Variants in NKAIN3 observed in about 807,000 individuals in gnomAD.
The protein encoded by NKAIN3 is sodium/potassium-transporting ATPase subunit beta-1-interacting protein 3.
In NKAIN3, 25 loss-of-function variants were observed where a neutral mutation model predicts 30.2. That is an observed-to-expected ratio of 0.83 (90% CI 0.60 to 1.16). The LOEUF (loss-of-function observed/expected upper bound fraction) is 1.16, where lower values mean the gene tolerates loss of function less well. NKAIN3 is among the 50% of genes most tolerant of loss of function. The pLI is 0.00. For missense variants in NKAIN3, 225 were observed against 254.1 expected, an observed-to-expected ratio of 0.89 and a Z score of 0.78; for synonymous variants, 91 against 89.6, an observed-to-expected ratio of 1.02 and a Z score of -0.09.
In NKAIN3 at chr8:62,248,975, TGGGCC is replaced by T. The variant is rs923161101; in HGVS notation, c.-89_-85del. On this transcript the variant is annotated 5_prime_UTR_variant, in exon 1 of 7. Transcript: ENST00000623646. ...GCGGCGGCCGCGGGGCCGAGGAGCC[TGGGCC>T]GGGCCGGGCGGGGACTACTCCGGAG... 4 of 1,167,660 alleles carry T rather than the reference TGGGCC, an allele frequency of 3.4e-6. No homozygotes were observed. In the African/African-American group the frequency reaches 4.8e-5, roughly 14 times the overall value. 72.3% of individuals were successfully genotyped at this position (1,167,660 alleles called of 1,614,324 possible).
intron 4 of NKAIN3, among the ~76,000 whole-genome samples, chr8:62,762,183 G>A (rs1039800795): frequency 1.3e-5 from 2 of 152,096 alleles, no homozygotes; most frequent in Non-Finnish European, 2.9e-5. Flanking sequence ...AGGCATGGTG[G>A]TGGGCACCTG....
At chr8:62,772,345 T>A (rs866033863) in intron 4 of NKAIN3, among the ~76,000 whole-genome samples, 7 of 152,228 alleles carry the variant, frequency 4.6e-5, no homozygotes, top group Admixed American at 6.5e-5. Flanking sequence ...TCTTGGCTGT[T>A]GTGATTAGAG....
At chr8:62,870,210 A>ATG (rs1820557899) in intron 4 of NKAIN3, among the ~76,000 whole-genome samples, 1 of 128,734 alleles carries the variant, frequency 7.8e-6, no homozygotes, top group Non-Finnish European at 1.8e-5. Flanking sequence ...TCTATTTTGT[A>ATG]TATATATATC....
At chr8:62,990,221 A>G (rs1824293543) in intron 5 of NKAIN3, 1 of 1,556,832 alleles carries the variant, frequency 6.4e-7, no homozygotes, top group African/African-American at 1.3e-5. Flanking sequence ...GCTGCAAATT[A>G]TTGAATAAGC....
At chr8:62,561,599 A>C (rs983965999) in intron 1 of NKAIN3, among the ~76,000 whole-genome samples, 16 of 152,156 alleles carry the variant, frequency 1.1e-4, no homozygotes, top group Non-Finnish European at 1.5e-5. Flanking sequence ...GTTCGTTCCA[A>C]TAATCACTAG....
downstream of NKAIN3, among the ~76,000 whole-genome samples, chr8:62,987,541 G>A (rs1447619395): frequency 3.3e-5 from 5 of 152,120 alleles, no homozygotes; most frequent in Admixed American, 3.3e-4. Flanking sequence ...CATAGCAGCA[G>A]GGAAGAGATC....
At chr8:62,901,617 T>C (rs2130837952) in intron 4 of NKAIN3, among the ~76,000 whole-genome samples, 1 of 152,246 alleles carries the variant, frequency 6.6e-6, no homozygotes, top group South Asian at 2.1e-4. Context: ...GCCATACATA[T>C]CACAGCATCT....
Position 62,397,454 on chromosome 8 carries a change from CAG to C in NKAIN3, c.54+148332_54+148333del, listed in dbSNP as rs10581126. Reference sequence around the variant, plus strand: ...ACTCACTTAGATCTTTCAAATTCTGCAGAGAGTTGTAGGTGATAAGTAGTATA... The same window carrying C: ...ACTCACTTAGATCTTTCAAATTCTGCAGAGTTGTAGGTGATAAGTAGTATA... On this transcript the variant is annotated intron_variant, in intron 1 of 6. Coordinates refer to ENST00000623646, the MANE Select transcript of NKAIN3 (RefSeq NM_001304533.3). Among the ~76,000 whole-genome samples, 646 of 152,188 alleles carry C rather than the reference CAG, an allele frequency of 4.2e-3. 15 individuals carry two copies. Among genetic ancestry groups the C allele is most frequent in the Admixed American group, 0.037 (565 of 15,298 alleles).
At chr8:62,332,909 C>T (rs370748995) in intron 1 of NKAIN3, among the ~76,000 whole-genome samples, 21 of 152,088 alleles carry the variant, frequency 1.4e-4, no homozygotes, top group African/African-American at 4.8e-4. Flanking sequence ...GCCTGTAGTC[C>T]CAGCTACTTG....
intron 4 of NKAIN3, among the ~76,000 whole-genome samples, chr8:62,753,034 T>G (rs1283871569): frequency 6.6e-6 from 1 of 152,116 alleles, no homozygotes; most frequent in Non-Finnish European, 1.5e-5. Context: ...ATTTTGAGAG[T>G]TATTTTAATA....
intron 1 of NKAIN3, among the ~76,000 whole-genome samples, chr8:62,299,287 C>T (rs1421579701): frequency 4.6e-5 from 7 of 152,102 alleles, no homozygotes. Context: ...ATTATCCTCC[C>T]TGTTTCAGTG....
Position 62,879,677 on chromosome 8 carries a change from G to T in NKAIN3, c.472-38776G>T, listed in dbSNP as rs760161647. On this transcript the variant is annotated intron_variant, in intron 4 of 6. Coordinates refer to ENST00000623646, the MANE Select transcript of NKAIN3 (RefSeq NM_001304533.3). ...TTGCCCCTGTGAATAGCCCCATCCTGTCTGCTTAGGCCAATGCTCCCACCT... is the reference window on the plus strand; with the variant it reads ...TTGCCCCTGTGAATAGCCCCATCCTTTCTGCTTAGGCCAATGCTCCCACCT... 1.5e-4 allele frequency among the ~76,000 whole-genome samples: 23 copies of T among 152,270 alleles called. No homozygotes were observed. The South Asian group carries it at 1.7e-3, about 11-fold the overall frequency.
intron 1 of NKAIN3, among the ~76,000 whole-genome samples, chr8:62,534,009 C>T (rs77957349): frequency 1.3e-4 from 20 of 152,282 alleles, no homozygotes; most frequent in Middle Eastern, 3.4e-3. Context: ...TGACTTCAGA[C>T]GCAACATTAC....
At chr8:62,518,042 A>G (rs954443228) in intron 1 of NKAIN3, among the ~76,000 whole-genome samples, 4 of 151,974 alleles carry the variant, frequency 2.6e-5, no homozygotes, top group African/African-American at 7.3e-5. Flanking sequence ...AATATTGGAG[A>G]CTCATATGTA....
chr8:62,275,748 C>A (rs1812930632), intron 1 of NKAIN3, among the ~76,000 whole-genome samples: 1 of 152,220 alleles, frequency 6.6e-6, no homozygotes, highest in Non-Finnish European at 1.5e-5. Flanking sequence ...TTATATTTAT[C>A]AGCAAATTAT....
intron 4 of NKAIN3, among the ~76,000 whole-genome samples, chr8:62,762,786 A>T (rs1376874143): frequency 6.6e-6 from 1 of 152,094 alleles, no homozygotes; most frequent in East Asian, 1.9e-4. Flanking sequence ...GATAGATGAT[A>T]CTGCTGCTTA....
intron 1 of NKAIN3, among the ~76,000 whole-genome samples, chr8:62,323,975 G>A (rs1030266356): frequency 6.6e-6 from 1 of 152,082 alleles, no homozygotes; most frequent in South Asian, 2.1e-4. Context: ...AGAGAGGGAA[G>A]GACGAATAGC....
At chr8:62,925,563 G>A (rs1822410025) in intron 5 of NKAIN3, among the ~76,000 whole-genome samples, 2 of 152,200 alleles carry the variant, frequency 1.3e-5, no homozygotes, top group African/African-American at 2.4e-5. Flanking sequence ...CCCAGAGGGG[G>A]TTCTAATTTT....
At chr8:62,732,075 G>C (rs1396210000) in intron 3 of NKAIN3, among the ~76,000 whole-genome samples, 1 of 151,956 alleles carries the variant, frequency 6.6e-6, no homozygotes, top group Non-Finnish European at 1.5e-5. Flanking sequence ...ATGCAATTGG[G>C]TACACTTGGG....
Sources: allele counts gnomAD v4.1 joint callset (sites outside exome capture counted in the v4.1 genomes callset), GRCh38; gene constraint gnomAD v4.1.1; transcripts MANE v1.5; gene names NCBI Gene and HGNC (gene_info 2026-07-23, HGNC 2026-07-21).